The following SMC1A variants were observed in gnomAD, a reference collection of about 807,000 sequenced individuals.
The protein encoded by SMC1A is structural maintenance of chromosomes protein 1A.
Under a neutral mutation model 94.5 loss-of-function variants are expected in SMC1A, and 4 were observed. The observed-to-expected ratio is 0.04, with a 90% confidence interval of 0.02 to 0.10. The LOEUF (loss-of-function observed/expected upper bound fraction) is 0.10. SMC1A is among the 10% of genes least tolerant of loss of function. The pLI is 1.00. For missense variants in SMC1A, 304 were observed against 989.0 expected, an observed-to-expected ratio of 0.31 and a Z score of 9.29; for synonymous variants, 345 against 347.7, an observed-to-expected ratio of 0.99 and a Z score of 0.09.
intron 19 of SMC1A, among the ~76,000 whole-genome samples, chrX:53,385,169 A>G: frequency 9.1e-6 from 1 of 109,636 alleles, no homozygotes; most frequent in African/African-American, 3.3e-5. Context: ...AATGATTTCA[A>G]GAATAAGAAG....
rs781808959 is a variant in SMC1A at position 53,409,128 on chromosome X, C to T, written c.1479G>A (p.Glu493=). The change falls in exon 9 of 25, where the codon GAG becomes GAA. Residue 493 remains glutamate (E), a synonymous_variant. Transcript: ENST00000322213. ...QLGDARIDRQ[E]SSRQQRKAEI... ...CTGCCTTTCGCTGCTGGCGGCTGCT[C>T]TCCTGGCGGTCGATGCGGGCATCCC... 1 of 1,211,834 alleles carries T rather than the reference C, an allele frequency of 8.3e-7. No individual in the cohort carries two copies. Among genetic ancestry groups the T allele is most frequent in the Non-Finnish European group, 1.1e-6 (1 of 895,603 alleles).
At chrX:53,403,971 A>C in intron 13 of SMC1A, 78 bp from the exon 14 acceptor site, 1 of 690,797 alleles carries the variant, frequency 1.4e-6, no homozygotes, top group Non-Finnish European at 2.4e-6. Flanking sequence ...TTGGCCCCAC[A>C]GTCAGGAAGG....
In SMC1A at chrX:53,378,812, A is replaced by G. The variant is rs2075570451; in HGVS notation, c.*1291T>C. The G allele has an allele frequency of 8.9e-6, 1 of 112,278 alleles. No individual in the cohort carries two copies. Among genetic ancestry groups the G allele is most frequent in the South Asian group, 3.7e-4 (1 of 2,731 alleles). The allele number at this position is 112,278 out of a possible 1,213,427, so 9.3% of individuals were successfully genotyped here. A position where few individuals can be genotyped will look rare whatever the true frequency, so the allele number is the denominator to read the frequency against. ...TATAGCTAATGAGGTTAGTTCCTAA[A>G]ATGAACCTCACAGGTGTTAGGCTGG... is the stretch of plus-strand genomic sequence containing the variant. On this transcript the variant is annotated 3_prime_UTR_variant, in exon 25 of 25. Coordinates refer to ENST00000322213, the MANE Select transcript of SMC1A (RefSeq NM_006306.4).
intron 3 of SMC1A, among the ~76,000 whole-genome samples, chrX:53,413,920 T>C (rs1303366980): frequency 2.7e-5 from 3 of 109,452 alleles, no homozygotes; most frequent in Admixed American, 9.7e-5. Context: ...CTACCCAAAA[T>C]ACAAAAATTA....
chrX:53,415,870 A>G (rs1556891220), intron 1 of SMC1A, among the ~76,000 whole-genome samples: 1 of 109,603 alleles, frequency 9.1e-6, no homozygotes, highest in Admixed American at 9.8e-5. Flanking sequence ...AGGAAAGAAT[A>G]GTTTAAAAAA....
Position 53,403,761 on chromosome X carries a change from C to G in SMC1A, c.2313+16G>C. The stretch of plus-strand genomic sequence containing the variant: ...TGCCCTGACACACACGCTGGCATGG[C>G]CCACACCCTACCAACCTGGTTCATC... On this transcript the variant is annotated intron_variant, in intron 14 of 24. Coordinates refer to ENST00000322213, the MANE Select transcript of SMC1A (RefSeq NM_006306.4). 8.5e-7 allele frequency: 1 copy of G among 1,182,311 alleles called. No individual in the cohort carries two copies. The highest frequency in any genetic ancestry group is 3.0e-5 in the East Asian group (1 of 33,718).
chrX:53,417,189 C>T lies in SMC1A; in HGVS notation c.110-2020G>A, dbSNP rs183383006. ...TAAGGTTTTCATGAGGAAATCTTAA[C>T]ACAAACACAGAATGTGGGATGTTCT... On this transcript the variant is annotated intron_variant, in intron 1 of 24. Coordinates refer to ENST00000322213, the MANE Select transcript of SMC1A (RefSeq NM_006306.4). Among the ~76,000 whole-genome samples, 657 of 111,964 alleles carry T rather than the reference C, an allele frequency of 5.9e-3. 4 individuals carry two copies. The highest frequency in any genetic ancestry group is 0.02 in the African/African-American group (627 of 30,887).
intron 15 of SMC1A, among the ~76,000 whole-genome samples, chrX:53,401,408 T>C (rs1182140069): frequency 8.9e-6 from 1 of 112,334 alleles, no homozygotes; most frequent in Non-Finnish European, 1.9e-5. Flanking sequence ...TGCATATCCT[T>C]GTAAAATGTC....
chrX:53,398,878 A>C (rs1410453259), intron 16 of SMC1A, among the ~76,000 whole-genome samples: 1 of 111,660 alleles, frequency 9.0e-6, no homozygotes, highest in Non-Finnish European at 1.9e-5. Flanking sequence ...CTCCTCAGGT[A>C]CTACTGAGTT....
At position 53,380,740 on chromosome X, in the gene SMC1A, A is replaced by G. The variant is rs1556885776; in HGVS notation, c.3508-10T>C. 1 of 1,133,000 alleles carries G rather than the reference A, an allele frequency of 8.8e-7. No individual in the cohort carries two copies. The highest frequency in any genetic ancestry group is 2.2e-5 in the Admixed American group (1 of 45,837). 93.4% of individuals were successfully genotyped at this position (1,133,000 alleles called of 1,213,427 possible). Reference sequence around the variant, plus strand: ...TGATGTAATTTGCCACCTGTGGGAAAGGCCGCCAGGCACTTAGCAAGGCTC... The same window carrying G: ...TGATGTAATTTGCCACCTGTGGGAAGGGCCGCCAGGCACTTAGCAAGGCTC... On this transcript the variant is annotated splice_polypyrimidine_tract_variant and intron_variant, in intron 23 of 24. Transcript: ENST00000322213.
Position 53,405,780 on chromosome X carries a change from G to A in SMC1A, c.1722C>T (p.Asp574=), listed in dbSNP as rs782462562. Residue 574 remains aspartate, a synonymous_variant, in exon 10 of 25, where the codon GAC becomes GAT. Coordinates refer to ENST00000322213, the MANE Select transcript of SMC1A (RefSeq NM_006306.4). ...RGEPETFLPL[D]YLEVKPTDEK... is the part of the protein sequence containing the mutation. Reference sequence around the variant, plus strand: ...CCCCAACAAGCCTCACCTCCAGGTAGTCAAGAGGCAAGAAGGTCTCAGGCT... The same window carrying A: ...CCCCAACAAGCCTCACCTCCAGGTAATCAAGAGGCAAGAAGGTCTCAGGCT... The A allele has an allele frequency of 1.7e-6, 2 of 1,210,455 alleles. No homozygotes were observed. Among genetic ancestry groups the A allele is most frequent in the Non-Finnish European group, 2.2e-6 (2 of 894,732 alleles).
intron 19 of SMC1A, among the ~76,000 whole-genome samples, chrX:53,393,755 TATA>T (rs1165520146): frequency 9.0e-6 from 1 of 111,541 alleles, no homozygotes; most frequent in Non-Finnish European, 1.9e-5. Context: ...TCCTCCTGAA[TATA>T]ATGATGATTG....
At chrX:53,404,808 A>G in intron 13 of SMC1A, 1 of 459,086 alleles carries the variant, frequency 2.2e-6, no homozygotes. Flanking sequence ...GTTGACACTG[A>G]AAGGTGAAAA....
chrX:53,380,399 G>C (rs1336407563), intron 24 of SMC1A, among the ~76,000 whole-genome samples: 1 of 111,217 alleles, frequency 9.0e-6, no homozygotes, highest in Non-Finnish European at 1.9e-5. Context: ...CCACTGTCTG[G>C]CTGCCTCTGC....
At chrX:53,410,724 T>C (rs910027400) in intron 7 of SMC1A, among the ~76,000 whole-genome samples, 2 of 105,399 alleles carry the variant, frequency 1.9e-5, no homozygotes, top group Non-Finnish European at 3.9e-5. Flanking sequence ...TTGCTTGAAC[T>C]TGGGAGACAG....
chrX:53,404,886 T>C, intron 13 of SMC1A, 126 bp downstream of exon 13: 5 of 791,089 alleles, frequency 6.3e-6, no homozygotes, highest in Non-Finnish European at 9.3e-6. Context: ...CTCTATGCTA[T>C]ACCTGACTCC....
At position 53,405,633 on chromosome X, in the gene SMC1A, C is replaced by G. The variant is rs782204428; in HGVS notation, c.1771G>C (p.Ala591Pro). 1.7e-6 allele frequency: 2 copies of G among 1,211,666 alleles called. No homozygotes were observed. The highest frequency in any genetic ancestry group is 2.2e-6 in the Non-Finnish European group (2 of 895,468). Reference sequence around the variant, plus strand: ...CGAATCACATCAATCACTAGCTTGGCCCCCTTCAGCTCCCGGAGTTTCTCA... The same window carrying G: ...CGAATCACATCAATCACTAGCTTGGGCCCCTTCAGCTCCCGGAGTTTCTCA... ...TDEKLRELKG[A>P]KLVIDVIRYE... Residue 591 changes from alanine to proline, a missense_variant, in exon 11 of 25, where the codon GCC becomes CCC. By Grantham distance (27) the Ala-to-Pro change is conservative. Transcript: ENST00000322213.
intron 1 of SMC1A, among the ~76,000 whole-genome samples, chrX:53,416,424 C>T (rs1025975965): frequency 2.8e-4 from 30 of 105,709 alleles, no homozygotes; most frequent in Non-Finnish European, 4.7e-4. Context: ...TGGAGTCTTG[C>T]TCTGTTGCCA....
At chrX:53,395,028 G>C (rs2075645903) in intron 18 of SMC1A, 140 bp from the exon 19 acceptor site, 1 of 502,029 alleles carries the variant, frequency 2.0e-6, no homozygotes. Flanking sequence ...GGCTTTGCAG[G>C]CAGAATGACT....
Sources: allele counts gnomAD v4.1 joint callset (sites outside exome capture counted in the v4.1 genomes callset), GRCh38; gene constraint gnomAD v4.1.1; transcripts MANE v1.5; gene names NCBI Gene and HGNC (gene_info 2026-07-23, HGNC 2026-07-21).